Variants in UBR1 observed in about 807,000 individuals in gnomAD.
The protein encoded by UBR1 is E3 ubiquitin-protein ligase UBR1.
UBR1 carries 102 observed loss-of-function variants against 242.1 expected under a neutral mutation model. The observed-to-expected ratio is 0.42, with a 90% confidence interval of 0.36 to 0.50. The LOEUF (loss-of-function observed/expected upper bound fraction) is 0.50, where lower values mean the gene tolerates loss of function less well. UBR1 is among the 20% of genes least tolerant of loss of function. The pLI is 0.01. For synonymous variants in UBR1, 675 were observed against 684.8 expected (o/e 0.99, Z 0.22); for missense variants, 1,772 against 2,101.8 (o/e 0.84, Z 3.07).
rs4924704 is a variant in UBR1 at position 43,059,843 on chromosome 15, G to C, written c.862-18C>G. 2 of 1,613,726 alleles carry C rather than the reference G, an allele frequency of 1.2e-6. No homozygotes were observed. Among genetic ancestry groups the C allele is most frequent in the South Asian group, 1.1e-5 (1 of 91,068 alleles). ...GAATGACTCTACAAATGAAGGGAAC[G>C]AACCAAAAAAATAGCATTTAAAATT... is the stretch of plus-strand genomic sequence containing the variant. On this transcript the variant is annotated intron_variant, in intron 7 of 46. Coordinates refer to ENST00000290650, the MANE Select transcript of UBR1 (RefSeq NM_174916.3).
At chr15:43,046,116 G>A (rs2033482462) in intron 14 of UBR1, among the ~76,000 whole-genome samples, 1 of 152,210 alleles carries the variant, frequency 6.6e-6, no homozygotes, top group African/African-American at 2.4e-5. Flanking sequence ...GATGACTTCA[G>A]AAGGTTTGGA....
rs781493412 is a variant in UBR1 at position 43,024,977 on chromosome 15, G to A, written c.2591C>T (p.Pro864Leu). 20 of 1,613,986 alleles carry A rather than the reference G, an allele frequency of 1.2e-5. No individual in the cohort carries two copies. Among genetic ancestry groups the A allele is most frequent in the South Asian group, 6.6e-5 (6 of 91,086 alleles). The change falls in exon 25 of 47, where the codon CCG becomes CTG. Residue 864 changes from proline (P) to leucine (L), a missense_variant. By Grantham distance (98) the Pro-to-Leu change is moderately conservative. Around this residue, in one of 3 missense-constraint regions of UBR1, gnomAD observed 965 missense variants for 1,079.7 expected, o/e 0.89. Coordinates refer to ENST00000290650, the MANE Select transcript of UBR1 (RefSeq NM_174916.3). The part of the protein sequence containing the change: ...RKQENKDEAL[P>L]PPPPPEFCPA... ...GCAGAATTCAGGAGGTGGTGGTGGC[G>A]GCAATGCTATAGGAGGTGGGGAATG... is the stretch of plus-strand genomic sequence containing the variant.
chr15:42,956,446 A>G (rs1276254293), intron 44 of UBR1, among the ~76,000 whole-genome samples: 1 of 152,106 alleles, frequency 6.6e-6, no homozygotes, highest in Non-Finnish European at 1.5e-5. Context: ...CAGCCTCCCA[A>G]GTAGCTGGGA....
At chr15:43,102,212 C>T (rs1165293817) in intron 1 of UBR1, among the ~76,000 whole-genome samples, 4 of 152,142 alleles carry the variant, frequency 2.6e-5, no homozygotes, top group African/African-American at 9.7e-5. Context: ...AGTCTTTTTG[C>T]TTCTTCCATC....
chr15:42,955,888 A>C (rs2031911350), intron 44 of UBR1, among the ~76,000 whole-genome samples: 1 of 152,246 alleles, frequency 6.6e-6, no homozygotes, highest in Non-Finnish European at 1.5e-5. Context: ...GCTCTTACAG[A>C]AGTAACTAAT....
At chr15:43,015,390 A>C (rs901451498) in intron 29 of UBR1, among the ~76,000 whole-genome samples, 57 of 152,196 alleles carry the variant, frequency 3.7e-4, no homozygotes, top group Non-Finnish European at 7.2e-4. Flanking sequence ...ACTCAGGGTT[A>C]AATGGATTAA....
chr15:43,036,322 G>A lies in UBR1; in HGVS notation c.2089-43C>T, dbSNP rs774058819. ...CATCATATTTCTTCTGTATTATATG[G>A]AGAAACATTTTGTCTCATGTAGGAC... On this transcript the variant is annotated intron_variant, in intron 18 of 46. Transcript: ENST00000290650. The A allele has an allele frequency of 9.7e-6, 15 of 1,550,542 alleles. No individual in the cohort carries two copies. The African/African-American group carries it at 1.6e-4, about 17-fold the overall frequency.
intron 39 of UBR1, among the ~76,000 whole-genome samples, chr15:42,974,316 A>G (rs1184562317): frequency 6.6e-6 from 1 of 152,238 alleles, no homozygotes; most frequent in Non-Finnish European, 1.5e-5. Flanking sequence ...TACTTGTTCC[A>G]ACACCATTTG....
chr15:43,054,053 T>TAAAA (rs1458737181), intron 12 of UBR1, among the ~76,000 whole-genome samples: 1 of 151,852 alleles, frequency 6.6e-6, no homozygotes, highest in African/African-American at 2.4e-5. Context: ...AAAAAGGAGT[T>TAAAA]AAAAAAATGT....
intron 2 of UBR1, 48 bp downstream of exon 2, chr15:43,085,936 A>G (rs926273820): frequency 1.3e-6 from 2 of 1,543,396 alleles, no homozygotes; most frequent in East Asian, 4.8e-5. Context: ...AAAAAAAAAA[A>G]AAGGATTTTA....
chr15:42,961,038 A>G (rs1210768376), intron 42 of UBR1, among the ~76,000 whole-genome samples: 4 of 150,686 alleles, frequency 2.7e-5, no homozygotes, highest in Non-Finnish European at 5.9e-5. Context: ...GGGATTACAG[A>G]CGTGAGCCAC....
chr15:42,969,968 T>C (rs1262806832), intron 40 of UBR1, among the ~76,000 whole-genome samples: 1 of 152,202 alleles, frequency 6.6e-6, no homozygotes, highest in Non-Finnish European at 1.5e-5. Context: ...ACCACTGACT[T>C]TCTTCACAGA....
intron 23 of UBR1, chr15:43,025,766 T>C: frequency 4.1e-6 from 1 of 244,510 alleles, no homozygotes; most frequent in Non-Finnish European, 7.9e-6. Context: ...CTGATCAAAC[T>C]TAACATGATC....
At chr15:42,985,497 C>T (rs1413721611) in intron 35 of UBR1, among the ~76,000 whole-genome samples, 6 of 152,080 alleles carry the variant, frequency 3.9e-5, no homozygotes, top group South Asian at 2.1e-4. Flanking sequence ...GGATTACAGG[C>T]GTGCACCACT....
chr15:43,099,510 C>A (rs2034201106), intron 1 of UBR1, among the ~76,000 whole-genome samples: 1 of 152,060 alleles, frequency 6.6e-6, no homozygotes, highest in Admixed American at 6.6e-5. Flanking sequence ...GGTAGTCACA[C>A]AAGTATATAC....
intron 30 of UBR1, among the ~76,000 whole-genome samples, chr15:43,004,537 C>T (rs1374462370): frequency 2.4e-4 from 36 of 152,260 alleles, no homozygotes; most frequent in Admixed American, 2.4e-3. Flanking sequence ...CGCCGCCACG[C>T]CTGACTGGTT....
At chr15:42,998,071 G>T in intron 33 of UBR1, 97 bp downstream of exon 33, 2 of 1,079,662 alleles carry the variant, frequency 1.9e-6, no homozygotes, top group Non-Finnish European at 2.7e-6. Flanking sequence ...CAAGAAATCT[G>T]TACTTGCAAA....
At chr15:43,003,428 G>T (rs985715170) in intron 31 of UBR1, 1 of 262,190 alleles carries the variant, frequency 3.8e-6, no homozygotes, top group African/African-American at 2.3e-5. Context: ...GCTAATTTTT[G>T]TATTTTTAGT....
At chr15:42,993,001 C>G (rs2032579513) in intron 33 of UBR1, among the ~76,000 whole-genome samples, 2 of 152,218 alleles carry the variant, frequency 1.3e-5, no homozygotes, top group Admixed American at 6.5e-5. Context: ...GGCTGTGCAG[C>G]TCTATGCCTG....
Sources: allele counts gnomAD v4.1 joint callset (sites outside exome capture counted in the v4.1 genomes callset), GRCh38; gene constraint gnomAD v4.1.1; regional missense constraint gnomAD v4.1.1; transcripts MANE v1.5; gene names NCBI Gene and HGNC (gene_info 2026-07-23, HGNC 2026-07-21).